TSHZ2: variants seen among roughly 807,000 people sequenced by gnomAD.
TSHZ2 encodes the protein teashirt zinc finger homeobox 2.
TSHZ2 carries 21 observed loss-of-function variants against 74.4 expected under a neutral mutation model. The ratio of observed to expected loss-of-function variants is 0.28; its 90% CI spans 0.20 to 0.41. The LOEUF is 0.41. TSHZ2 is among the 10% of genes least tolerant of loss of function. The pLI is 1.00. For missense variants in TSHZ2, 1,244 were observed against 1,293.5 expected (o/e 0.96, Z 0.59); for synonymous variants, 540 against 515.3 (o/e 1.05, Z -0.65).
intron 1 of TSHZ2, among the ~76,000 whole-genome samples, chr20:53,224,095 G>A (rs2426466): frequency 0.3 from 45,994 of 151,960 alleles, 7,136 homozygotes; most frequent in African/African-American, 0.36. Flanking sequence ...TTATAGCTGC[G>A]TATGAATCTA....
chr20:53,089,861 C>A (rs1985822857), intron 1 of TSHZ2, among the ~76,000 whole-genome samples: 1 of 152,202 alleles, frequency 6.6e-6, no homozygotes, highest in Non-Finnish European at 1.5e-5. Context: ...AATCAGGGTT[C>A]TCCAGAGGGA....
chr20:53,487,078 A>G (rs1324342076), intron 2 of TSHZ2, 66 bp from the exon 3 acceptor site: 10 of 152,754 alleles, frequency 6.5e-5, no homozygotes. Context: ...CACCCTGGGG[A>G]AAAAATCACC....
intron 1 of TSHZ2, among the ~76,000 whole-genome samples, chr20:53,040,982 C>T (rs1984020487): frequency 6.6e-6 from 1 of 152,172 alleles, no homozygotes; most frequent in South Asian, 2.1e-4. Flanking sequence ...CATTGTCAGT[C>T]AGCCCTCTCT....
chr20:53,037,546 G>A (rs1366510327), intron 1 of TSHZ2, among the ~76,000 whole-genome samples: 1 of 152,124 alleles, frequency 6.6e-6, no homozygotes, highest in Non-Finnish European at 1.5e-5. Context: ...AAGTATTTCT[G>A]TATTTCCATC....
intron 1 of TSHZ2, among the ~76,000 whole-genome samples, chr20:53,050,130 T>TATATATATATAC (rs1555819319): frequency 1.0e-4 from 9 of 88,318 alleles, no homozygotes; most frequent in African/African-American, 6.1e-4. Flanking sequence ...TATATACACA[T>TATATATATATAC]ATATATATGT....
At chr20:53,294,769 A>G (rs1162911728) in intron 2 of TSHZ2, among the ~76,000 whole-genome samples, 3 of 152,004 alleles carry the variant, frequency 2.0e-5, no homozygotes, top group Non-Finnish European at 4.4e-5. Flanking sequence ...TTACTCCTCA[A>G]TCCTCTAATC....
chr20:53,393,559 C>T (rs2084649618), intron 2 of TSHZ2, among the ~76,000 whole-genome samples: 1 of 151,952 alleles, frequency 6.6e-6, no homozygotes, highest in Non-Finnish European at 1.5e-5. Context: ...CACATTGTAC[C>T]TGTTAATATC....
intron 2 of TSHZ2, among the ~76,000 whole-genome samples, chr20:53,422,056 C>T (rs1421218960): frequency 6.6e-6 from 1 of 152,192 alleles, no homozygotes; most frequent in Non-Finnish European, 1.5e-5. Flanking sequence ...CCATTTCTCA[C>T]AGTACCGTAT....
In TSHZ2 at chr20:53,144,266, CA is replaced by C. The variant is rs1335828395; in HGVS notation, c.41-109230del. Among the ~76,000 whole-genome samples the C allele has an allele frequency of 6.6e-5, 10 of 152,252 alleles. 2 individuals carry two copies. The South Asian group carries it at 1.5e-3, about 22-fold the overall frequency. On this transcript the variant is annotated intron_variant, in intron 1 of 2. Transcript: ENST00000371497. ...CCTTGTGGCTAATTTGTTAGTCCTG[CA>C]AAGGCAGTCTAGTGCCCAGACAGGA...
intron 2 of TSHZ2, among the ~76,000 whole-genome samples, chr20:53,386,714 G>A (rs1012371490): frequency 1.3e-5 from 2 of 152,146 alleles, no homozygotes; most frequent in African/African-American, 4.8e-5. Context: ...TAAGAAAATG[G>A]CTTCGGTGTA....
intron 2 of TSHZ2, among the ~76,000 whole-genome samples, chr20:53,469,687 C>A (rs8183682): frequency 0.079 from 1,115 of 14,190 alleles, 17 homozygotes; most frequent in Middle Eastern, 0.17. Flanking sequence ...GAAGGAAGGA[C>A]GGACCCAAGA....
At chr20:53,038,883 G>GT (rs773887640) in intron 1 of TSHZ2, among the ~76,000 whole-genome samples, 1 of 66,508 alleles carries the variant, frequency 1.5e-5, no homozygotes, top group East Asian at 1.1e-3. Flanking sequence ...TGTTTGTTTT[G>GT]TTTTGTTTGT....
At chr20:53,015,905 G>A (rs1168861794) in intron 1 of TSHZ2, among the ~76,000 whole-genome samples, 1 of 152,136 alleles carries the variant, frequency 6.6e-6, no homozygotes, top group Non-Finnish European at 1.5e-5. Flanking sequence ...GCACCTATCT[G>A]TGTCATGCAT....
intron 2 of TSHZ2, among the ~76,000 whole-genome samples, chr20:53,460,742 CTGTT>C: frequency 6.6e-6 from 1 of 152,306 alleles, no homozygotes; most frequent in East Asian, 1.9e-4. Flanking sequence ...GATGTCCTTT[CTGTT>C]TGTTAGTTTT....
intron 2 of TSHZ2, among the ~76,000 whole-genome samples, chr20:53,347,755 A>G (rs1287170141): frequency 6.6e-6 from 1 of 152,154 alleles, no homozygotes; most frequent in African/African-American, 2.4e-5. Flanking sequence ...TTGCCTAGGT[A>G]TTAAGCCCAG....
intron 1 of TSHZ2, among the ~76,000 whole-genome samples, chr20:53,004,664 C>T (rs1234219196): frequency 6.6e-6 from 1 of 152,090 alleles, no homozygotes; most frequent in Non-Finnish European, 1.5e-5. Flanking sequence ...TAAATGGTGT[C>T]CTAGGTGCAC....
At chr20:52,983,225 C>T (rs1426228318) in intron 1 of TSHZ2, among the ~76,000 whole-genome samples, 1 of 152,170 alleles carries the variant, frequency 6.6e-6, no homozygotes, top group Non-Finnish European at 1.5e-5. Context: ...TGCACCTCAG[C>T]GTTTTCATCT....
intron 1 of TSHZ2, among the ~76,000 whole-genome samples, chr20:53,036,548 TAGAA>T (rs891769768): frequency 1.1e-4 from 17 of 150,222 alleles, no homozygotes; most frequent in African/African-American, 4.1e-4. Flanking sequence ...TAGAAAGAAT[TAGAA>T]ATAAAAGAAG....
chr20:53,132,898 T>C (rs531224488), intron 1 of TSHZ2, among the ~76,000 whole-genome samples: 1 of 152,300 alleles, frequency 6.6e-6, no homozygotes, highest in South Asian at 2.1e-4. Context: ...TTTGTCTTCT[T>C]GCTTCCTTCA....
Sources: gnomAD v4.1 joint callset for allele counts (sites outside exome capture counted in the v4.1 genomes callset) on GRCh38, gnomAD v4.1.1 for gene constraint, MANE v1.5 for transcripts, NCBI Gene and HGNC (gene_info 2026-07-23, HGNC 2026-07-21) for gene names.